The following SPAG16 variants were observed in gnomAD, a reference collection of about 807,000 sequenced individuals.
SPAG16 encodes sperm-associated antigen 16 protein.
SPAG16 carries 86 observed loss-of-function variants against 80.4 expected under a neutral mutation model. That is an observed-to-expected ratio of 1.07 (90% CI 0.90 to 1.28). The LOEUF (loss-of-function observed/expected upper bound fraction) is 1.28. Ranked by LOEUF, SPAG16 falls within the 50% of genes most tolerant of loss-of-function variation. The pLI is 0.00. For synonymous variants in SPAG16, 294 were observed against 265.9 expected (o/e 1.11, Z -1.03); for missense variants, 870 against 765.3 (o/e 1.14, Z -1.61).
chr2:213,605,921 A>C (rs2061244863), intron 10 of SPAG16, among the ~76,000 whole-genome samples: 1 of 152,218 alleles, frequency 6.6e-6, no homozygotes, highest in Non-Finnish European at 1.5e-5. Flanking sequence ...CAGGATATAT[A>C]ATAGACCATT....
chr2:213,411,253 A>G (rs1248892942), intron 9 of SPAG16, among the ~76,000 whole-genome samples: 1 of 152,216 alleles, frequency 6.6e-6, no homozygotes, highest in Admixed American at 6.5e-5. Flanking sequence ...TCTCAAGTCT[A>G]TTTAAACGCA....
At chr2:213,315,098 C>G (rs1424527483) in intron 4 of SPAG16, among the ~76,000 whole-genome samples, 2 of 151,800 alleles carry the variant, frequency 1.3e-5, no homozygotes, top group South Asian at 2.1e-4. Flanking sequence ...TTTAGCTCAT[C>G]TAGAGTAAGC....
chr2:213,762,930 T>G lies in SPAG16; in HGVS notation c.1071-99555T>G, dbSNP rs1192156046. Reference sequence around the variant, plus strand: ...AAAATATGGAAAGAACTCCTACAACTCAATAGTTAAAAAAACCAAATAACC... The same window carrying G: ...AAAATATGGAAAGAACTCCTACAACGCAATAGTTAAAAAAACCAAATAACC... On this transcript the variant is annotated intron_variant, in intron 10 of 15. Coordinates refer to ENST00000331683, the MANE Select transcript of SPAG16 (RefSeq NM_024532.5). 2.6e-5 allele frequency among the ~76,000 whole-genome samples: 4 copies of G among 151,862 alleles called. No homozygotes were observed. The East Asian group carries it at 7.7e-4, about 29-fold the overall frequency.
At chr2:214,295,143 C>G (rs1208377075) in intron 15 of SPAG16, among the ~76,000 whole-genome samples, 1 of 152,134 alleles carries the variant, frequency 6.6e-6, no homozygotes, top group African/African-American at 2.4e-5. Context: ...CCACTTCACT[C>G]CATTTTTGAT....
intron 10 of SPAG16, among the ~76,000 whole-genome samples, chr2:213,511,009 G>T (rs953839239): frequency 1.6e-4 from 25 of 152,080 alleles, no homozygotes; most frequent in African/African-American, 5.8e-4. Context: ...TTTTAATTTT[G>T]AAAGCCCTTT....
At chr2:213,669,241 C>T (rs909615521) in intron 10 of SPAG16, among the ~76,000 whole-genome samples, 1 of 152,162 alleles carries the variant, frequency 6.6e-6, no homozygotes, top group Non-Finnish European at 1.5e-5. Context: ...CTCTTGTTGT[C>T]TTTAGGAAAA....
intron 11 of SPAG16, among the ~76,000 whole-genome samples, chr2:213,894,708 C>T (rs188221235): frequency 9.2e-5 from 14 of 152,018 alleles, no homozygotes; most frequent in Admixed American, 3.9e-4. Context: ...AACCTAAAGA[C>T]GGCCTGGCGC....
rs1575368985 is a variant in SPAG16 at position 213,363,050 on chromosome 2, CG to C, written c.763-1025del. On this transcript the variant is annotated intron_variant, in intron 7 of 15. Coordinates refer to ENST00000331683, the MANE Select transcript of SPAG16 (RefSeq NM_024532.5). ...TAGTTGTAAGGTGATATTCTGGATG[CG>C]ATTTTGAAACATAAAAAGGATATTA... Among the ~76,000 whole-genome samples, 10 of 79,012 alleles carry C rather than the reference CG, an allele frequency of 1.3e-4. No individual in the cohort carries two copies. The South Asian group carries it at 9.5e-3, about 75-fold the overall frequency. 51.8% of individuals were successfully genotyped at this position (79,012 alleles called of 152,430 possible).
At chr2:214,083,988 A>G (rs530075689) in intron 13 of SPAG16, among the ~76,000 whole-genome samples, 2 of 152,200 alleles carry the variant, frequency 1.3e-5, no homozygotes, top group South Asian at 4.2e-4. Context: ...TAAAGCTCTT[A>G]TACTAAATCC....
intron 10 of SPAG16, among the ~76,000 whole-genome samples, chr2:213,746,743 G>T (rs531143136): frequency 1.3e-5 from 2 of 152,284 alleles, no homozygotes; most frequent in African/African-American, 4.8e-5. Flanking sequence ...GGAGGCAGAA[G>T]TTGCAGTGAG....
chr2:213,799,015 C>A (rs1575167153), intron 10 of SPAG16, among the ~76,000 whole-genome samples: 1 of 152,040 alleles, frequency 6.6e-6, no homozygotes, highest in Non-Finnish European at 1.5e-5. Context: ...GTAATTCCTC[C>A]AAATTTGTTA....
chr2:213,787,577 G>A (rs536245293), intron 10 of SPAG16, among the ~76,000 whole-genome samples: 12 of 152,054 alleles, frequency 7.9e-5, no homozygotes, highest in Non-Finnish European at 1.6e-4. Flanking sequence ...TTTATTTTAT[G>A]GGCAGTGGGA....
chr2:214,349,259 A>T (rs777310337), intron 15 of SPAG16, among the ~76,000 whole-genome samples: 49 of 152,204 alleles, frequency 3.2e-4, no homozygotes, highest in Non-Finnish European at 5.0e-4. Context: ...AAGGAATGAA[A>T]CTGTTACCAC....
intron 15 of SPAG16, among the ~76,000 whole-genome samples, chr2:214,400,171 C>G (rs906952233): frequency 1.3e-5 from 2 of 151,956 alleles, no homozygotes; most frequent in African/African-American, 4.8e-5. Flanking sequence ...TTTTAAAACT[C>G]CACACAGGCC....
At chr2:213,781,057 T>C (rs1197240150) in intron 10 of SPAG16, among the ~76,000 whole-genome samples, 2 of 152,196 alleles carry the variant, frequency 1.3e-5, no homozygotes, top group African/African-American at 2.4e-5. Context: ...AATTGCCTTC[T>C]GAAGTGGTGG....
intron 9 of SPAG16, among the ~76,000 whole-genome samples, chr2:213,486,943 G>A (rs889888504): frequency 3.9e-5 from 6 of 151,978 alleles, no homozygotes; most frequent in Admixed American, 1.3e-4. Flanking sequence ...GGTGACTAAC[G>A]TGATGAATGC....
At chr2:213,576,815 G>T (rs1211460552) in intron 10 of SPAG16, among the ~76,000 whole-genome samples, 6 of 152,074 alleles carry the variant, frequency 3.9e-5, no homozygotes, top group African/African-American at 1.4e-4. Context: ...ACATAGAGGG[G>T]AACAAAACAC....
chr2:213,907,940 A>G (rs1439185341), intron 11 of SPAG16, among the ~76,000 whole-genome samples: 1 of 152,200 alleles, frequency 6.6e-6, no homozygotes, highest in Admixed American at 6.5e-5. Context: ...CTTGTGCTCC[A>G]TAGCACTGCA....
At chr2:213,845,669 T>C (rs2074586898) in intron 10 of SPAG16, among the ~76,000 whole-genome samples, 1 of 152,132 alleles carries the variant, frequency 6.6e-6, no homozygotes, top group Non-Finnish European at 1.5e-5. Flanking sequence ...CTTAATTCTT[T>C]GTTAAAAACA....
Sources: allele counts gnomAD v4.1 joint callset (sites outside exome capture counted in the v4.1 genomes callset), GRCh38; gene constraint gnomAD v4.1.1; transcripts MANE v1.5; gene names NCBI Gene and HGNC (gene_info 2026-07-23, HGNC 2026-07-21).